The following STK3 variants were observed in gnomAD, a reference collection of about 807,000 sequenced individuals.
The protein encoded by STK3 is serine/threonine kinase 3.
In STK3, 41 loss-of-function variants were observed where a neutral mutation model predicts 58.0. The ratio of observed to expected loss-of-function variants is 0.71; its 90% CI spans 0.55 to 0.92. The LOEUF (loss-of-function observed/expected upper bound fraction) is 0.92, where lower values mean the gene tolerates loss of function less well. STK3 is among the 40% of genes least tolerant of loss of function. STK3 has a pLI of 0.00. For synonymous variants in STK3, 170 were observed against 191.0 expected (o/e 0.89, Z 0.91); for missense variants, 479 against 602.7 (o/e 0.79, Z 2.15).
rs535208064 is a variant in STK3 at position 98,553,235 on chromosome 8, C to T, written c.949-5074G>A. The T allele has an allele frequency of 2.0e-5, 3 of 152,180 alleles. No homozygotes were observed. In the East Asian group the frequency reaches 5.8e-4, roughly 29 times the overall value. The allele number at this position is 152,180 out of a possible 1,614,324, so 9.4% of individuals were successfully genotyped here. A position where few individuals can be genotyped will look rare whatever the true frequency, so the allele number is the denominator to read the frequency against. On this transcript the variant is annotated intron_variant, in intron 8 of 10. Transcript: ENST00000419617. ...ACACATTCCTTCTCAGCTCAGACAC[C>T]CCAAGATTGAATTAGGTGTCATGCC...
At chr8:98,923,854 T>TGTGTGTGC (rs1491486943) in intron 1 of STK3, among the ~76,000 whole-genome samples, 216 of 113,672 alleles carry the variant, frequency 1.9e-3, no homozygotes, top group East Asian at 7.5e-3. Flanking sequence ...TGTGTGTGTG[T>TGTGTGTGC]GCGCGCGCGC....
intron 2 of STK3, among the ~76,000 whole-genome samples, chr8:98,769,195 C>A (rs930367611): frequency 6.6e-6 from 1 of 152,176 alleles, no homozygotes; most frequent in African/African-American, 2.4e-5. Flanking sequence ...GGGAAAGAAT[C>A]TTAAAGATGA....
chr8:98,755,776 C>A (rs1471980939), intron 3 of STK3, among the ~76,000 whole-genome samples: 3 of 152,152 alleles, frequency 2.0e-5, no homozygotes, highest in Non-Finnish European at 4.4e-5. Flanking sequence ...AGAACAGAAG[C>A]TCCATAAAGA....
At chr8:98,782,771 C>T (rs1034236698) in intron 1 of STK3, 1 of 148,790 alleles carries the variant, frequency 6.7e-6, no homozygotes, top group African/African-American at 2.5e-5. Flanking sequence ...GGAGATTAGA[C>T]AGTGCAGCAC....
At chr8:98,620,925 A>ATTTTTTTTTTTTTTTTTTTTTTT in intron 6 of STK3, among the ~76,000 whole-genome samples, 1 of 130,254 alleles carries the variant, frequency 7.7e-6, no homozygotes, top group Non-Finnish European at 1.6e-5. Context: ...AAAACAACTG[A>ATTTTTTTTTTTTTTTTTTTTTTT]TTTTTTTTTT....
At chr8:98,427,125 G>A (rs1173581090) in intron 3 of STK3, 1 of 150,394 alleles carries the variant, frequency 6.6e-6, no homozygotes, top group Admixed American at 6.6e-5. Flanking sequence ...AGCCACCTGT[G>A]AGCCTTCGGC....
chr8:98,853,118 A>C (rs1168548554), intron 3 of STK3, among the ~76,000 whole-genome samples: 1 of 151,984 alleles, frequency 6.6e-6, no homozygotes, highest in Non-Finnish European at 1.5e-5. Flanking sequence ...ATATTAAATT[A>C]ATTTTTCCTA....
chr8:98,919,901 G>C (rs1025664676), intron 1 of STK3, among the ~76,000 whole-genome samples: 1 of 152,192 alleles, frequency 6.6e-6, no homozygotes, highest in African/African-American at 2.4e-5. Flanking sequence ...AAAAATGTTG[G>C]GGGGAGGGAG....
chr8:98,371,809 C>T (rs1817613574), intron 2 of STK3: 1 of 152,128 alleles, frequency 6.6e-6, no homozygotes, highest in Non-Finnish European at 1.5e-5. Flanking sequence ...GTACTTTTAC[C>T]CTATACCAAG....
chr8:98,699,802 C>G (rs370425763), intron 6 of STK3, among the ~76,000 whole-genome samples: 2 of 152,164 alleles, frequency 1.3e-5, no homozygotes, highest in East Asian at 1.9e-4. Context: ...TAGGCTGCTC[C>G]GGGGTCAGGG....
At chr8:98,755,894 C>G (rs1332726259) in intron 3 of STK3, among the ~76,000 whole-genome samples, 1 of 152,154 alleles carries the variant, frequency 6.6e-6, no homozygotes, top group Admixed American at 6.5e-5. Flanking sequence ...GTAATCCCAG[C>G]ACTTTGGGAG....
intron 6 of STK3, among the ~76,000 whole-genome samples, chr8:98,697,190 G>T (rs1251279126): frequency 2.0e-5 from 3 of 152,174 alleles, no homozygotes. Context: ...ATTTCTGTGG[G>T]ATTGGTGGTG....
chr8:98,730,036 T>C (rs533980126), intron 4 of STK3, among the ~76,000 whole-genome samples: 2 of 152,338 alleles, frequency 1.3e-5, no homozygotes, highest in African/African-American at 2.4e-5. Flanking sequence ...ATATACATAA[T>C]GTATTTAGAA....
chr8:98,844,334 CT>C (rs145818090), intron 3 of STK3, among the ~76,000 whole-genome samples: 2,736 of 152,228 alleles, frequency 0.018, 77 homozygotes, highest in African/African-American at 0.063. Flanking sequence ...ATTTCATTAT[CT>C]TTGCAATAAT....
chr8:98,873,971 T>C (rs918196402), intron 3 of STK3, among the ~76,000 whole-genome samples: 4 of 152,238 alleles, frequency 2.6e-5, no homozygotes, highest in African/African-American at 7.2e-5. Context: ...GTTTTTGCAG[T>C]GGCTAGTACC....
the STK3 span, among the ~76,000 whole-genome samples, chr8:98,363,131 T>C: frequency 1.3e-5 from 2 of 152,284 alleles, no homozygotes; most frequent in African/African-American, 4.8e-5. Flanking sequence ...CAGCCTTAAA[T>C]GGAGCAGGGT....
chr8:98,729,345 A>G (rs918516725), intron 4 of STK3, among the ~76,000 whole-genome samples: 3 of 152,122 alleles, frequency 2.0e-5, no homozygotes, highest in African/African-American at 7.2e-5. Context: ...CCTGAGCCCA[A>G]GTGATCTCCC....
intron 6 of STK3, among the ~76,000 whole-genome samples, chr8:98,634,184 TGGTGACTGATTAAA>T (rs1478894384): frequency 2.0e-5 from 3 of 152,088 alleles, no homozygotes; most frequent in Non-Finnish European, 4.4e-5. Context: ...CAACAGGACC[TGGTGACTGATTAAA>T]GGCAGAAGAT....
chr8:98,671,883 T>A (rs866952212), intron 6 of STK3, among the ~76,000 whole-genome samples: 1 of 152,178 alleles, frequency 6.6e-6, no homozygotes, highest in South Asian at 2.1e-4. Context: ...ACAGGGGCAG[T>A]TTCCCCCTGC....
Sources: gnomAD v4.1 joint callset for allele counts (sites outside exome capture counted in the v4.1 genomes callset) on GRCh38, gnomAD v4.1.1 for gene constraint, MANE v1.5 for transcripts, NCBI Gene and HGNC (gene_info 2026-07-23, HGNC 2026-07-21) for gene names.